Variants in SYNDIG1 observed in about 807,000 individuals in gnomAD.
SYNDIG1 encodes synapse differentiation inducing 1.
SYNDIG1 carries 9 observed loss-of-function variants against 19.4 expected under a neutral mutation model. The observed-to-expected ratio is 0.46, with a 90% confidence interval of 0.28 to 0.81. The LOEUF is 0.81. SYNDIG1 is among the 30% of genes least tolerant of loss of function. SYNDIG1 has a pLI of 0.12. For synonymous variants in SYNDIG1, 141 were observed against 145.9 expected, an observed-to-expected ratio of 0.97 and a Z score of 0.24; for missense variants, 311 against 343.3, an observed-to-expected ratio of 0.91 and a Z score of 0.74.
intron 3 of SYNDIG1, among the ~76,000 whole-genome samples, chr20:24,610,684 GCCCC>G (rs2058833389): frequency 6.6e-6 from 1 of 152,222 alleles, no homozygotes; most frequent in Admixed American, 6.5e-5. Flanking sequence ...AAAGGGAGTT[GCCCC>G]AAGTTGGCTG....
At chr20:24,590,750 A>G (rs1185854576) in intron 3 of SYNDIG1, among the ~76,000 whole-genome samples, 3 of 152,114 alleles carry the variant, frequency 2.0e-5, no homozygotes, top group Non-Finnish European at 4.4e-5. Context: ...GCACTGAACC[A>G]TGGGGGCTCC....
chr20:24,483,598 T>C (rs2055859352), intron 1 of SYNDIG1, among the ~76,000 whole-genome samples: 2 of 152,046 alleles, frequency 1.3e-5, no homozygotes, highest in South Asian at 4.2e-4. Context: ...CACCCAGGAG[T>C]CCCAGCCTGA....
chr20:24,489,283 G>C (rs933900535), intron 1 of SYNDIG1, among the ~76,000 whole-genome samples: 1 of 151,570 alleles, frequency 6.6e-6, no homozygotes, highest in African/African-American at 2.4e-5. Context: ...TGCTCACAGG[G>C]ACAGGCACAG....
chr20:24,487,855 A>G (rs1469770271), intron 1 of SYNDIG1, among the ~76,000 whole-genome samples: 1 of 152,108 alleles, frequency 6.6e-6, no homozygotes, highest in Non-Finnish European at 1.5e-5. Flanking sequence ...ACTGGCTTGG[A>G]GCACTACAAG....
Position 24,543,176 on chromosome 20 carries a change from A to G in SYNDIG1, c.79A>G (p.Asn27Asp). 6.2e-7 allele frequency: 1 copy of G among 1,614,124 alleles called. No individual in the cohort carries two copies. The highest frequency in any genetic ancestry group is 2.2e-5 in the East Asian group (1 of 44,874). ...TGCTGGCAAGAGGAATGGTTTAATT[A>G]ACACCAGAAACTTGATGGCCGAGAG... ...SDAGKRNGLI[N>D]TRNLMAESRD... Residue 27 changes from asparagine (N) to aspartate (D), a missense_variant, in exon 2 of 4, where the codon AAC becomes GAC. Transcript: ENST00000376862.
At chr20:24,544,471 T>A (rs2057535667) in intron 2 of SYNDIG1, among the ~76,000 whole-genome samples, 1 of 152,132 alleles carries the variant, frequency 6.6e-6, no homozygotes, top group Admixed American at 6.6e-5. Flanking sequence ...GGGGAAGGGA[T>A]GTCTGTTTTT....
intron 2 of SYNDIG1, among the ~76,000 whole-genome samples, chr20:24,575,761 T>G (rs1285558881): frequency 6.6e-6 from 1 of 152,248 alleles, no homozygotes; most frequent in African/African-American, 2.4e-5. Context: ...AGGAAAAATC[T>G]GTTTACTTCT....
chr20:24,626,023 T>A (rs141945177), intron 3 of SYNDIG1, among the ~76,000 whole-genome samples: 1 of 145,428 alleles, frequency 6.9e-6, no homozygotes, highest in Non-Finnish European at 1.5e-5. Flanking sequence ...CCGGACGGGG[T>A]GGCTGGCCAG....
intron 2 of SYNDIG1, among the ~76,000 whole-genome samples, chr20:24,582,043 C>T (rs2058333613): frequency 7.4e-6 from 1 of 135,976 alleles, no homozygotes; most frequent in Non-Finnish European, 1.6e-5. Context: ...CACATCCTCT[C>T]CGCTGCATGG....
chr20:24,515,485 CAA>C (rs1378162953), intron 1 of SYNDIG1, among the ~76,000 whole-genome samples: 1 of 152,046 alleles, frequency 6.6e-6, no homozygotes, highest in Non-Finnish European at 1.5e-5. Context: ...GCAACTTCAG[CAA>C]AGTCTCAGGA....
rs749721715 is a variant in SYNDIG1 at position 24,584,918 on chromosome 20, C to T, written c.543C>T (p.His181=). Residue 181 remains histidine, a synonymous_variant, in exon 3 of 4, where the codon CAC becomes CAT. Coordinates refer to ENST00000376862, the MANE Select transcript of SYNDIG1 (RefSeq NM_024893.3). The stretch of plus-strand genomic sequence containing the variant: ...TCCTCATGATGCCCCCGCGGGACCA[C>T]CTGGGCCTCAGTGTCTTCTCCATGC... ...DNFLMMPPRD[H]LGLSVFSMLC... is the part of the protein sequence containing the mutation. 1.2e-6 allele frequency: 2 copies of T among 1,614,014 alleles called. No homozygotes were observed. Among genetic ancestry groups the T allele is most frequent in the African/African-American group, 1.3e-5 (1 of 74,908 alleles).
rs568246450 is a variant in SYNDIG1 at position 24,657,390 on chromosome 20, C to T, written c.619-7956C>T. ...AGCCTCCCTGGGAGGAAGTCCCCTC[C>T]CTTGGATGTAGTGATTCAGACCAGC... is the stretch of plus-strand genomic sequence containing the variant. On this transcript the variant is annotated intron_variant, in intron 3 of 3. Coordinates refer to ENST00000376862, the MANE Select transcript of SYNDIG1 (RefSeq NM_024893.3). Among the ~76,000 whole-genome samples the T allele has an allele frequency of 2.6e-5, 4 of 152,244 alleles. No homozygotes were observed. The South Asian group carries it at 8.3e-4, about 32-fold the overall frequency.
At chr20:24,473,261 G>A (rs1852888975) in intron 1 of SYNDIG1, among the ~76,000 whole-genome samples, 1 of 152,158 alleles carries the variant, frequency 6.6e-6, no homozygotes, top group Non-Finnish European at 1.5e-5. Flanking sequence ...TCATTTTGGG[G>A]CAGTGCACTG....
intron 1 of SYNDIG1, among the ~76,000 whole-genome samples, chr20:24,541,538 A>G (rs913499549): frequency 6.6e-6 from 1 of 152,266 alleles, no homozygotes; most frequent in East Asian, 1.9e-4. Flanking sequence ...GTGGAGCATG[A>G]TTGGCCAGTG....
At chr20:24,550,328 T>G (rs1237562321) in intron 2 of SYNDIG1, among the ~76,000 whole-genome samples, 1 of 150,446 alleles carries the variant, frequency 6.6e-6, no homozygotes, top group East Asian at 2.0e-4. Context: ...CTGATTTCGT[T>G]TCCTTTGGAT....
chr20:24,494,091 C>G lies in SYNDIG1; in HGVS notation c.-79+24338C>G, dbSNP rs1041312726. Among the ~76,000 whole-genome samples, 3 of 152,148 alleles carry G rather than the reference C, an allele frequency of 2.0e-5. No individual in the cohort carries two copies. The East Asian group carries it at 5.8e-4, about 30-fold the overall frequency. On this transcript the variant is annotated intron_variant, in intron 1 of 3. Coordinates refer to ENST00000376862, the MANE Select transcript of SYNDIG1 (RefSeq NM_024893.3). ...TGGGGAGGGAGGATCTGGGAGAGAA[C>G]TGGGTTTGAACACAGCAGAGGCTTC...
chr20:24,482,471 G>A (rs1237907593), intron 1 of SYNDIG1, among the ~76,000 whole-genome samples: 3 of 152,202 alleles, frequency 2.0e-5, no homozygotes, highest in Non-Finnish European at 2.9e-5. Flanking sequence ...GCTCAGTAAA[G>A]GCACCTGAGG....
intron 3 of SYNDIG1, among the ~76,000 whole-genome samples, chr20:24,656,044 A>G (rs1233267454): frequency 6.6e-6 from 1 of 152,188 alleles, no homozygotes; most frequent in African/African-American, 2.4e-5. Flanking sequence ...GGCTGTTGTA[A>G]TTCAGCAAAG....
intron 3 of SYNDIG1, among the ~76,000 whole-genome samples, chr20:24,616,682 G>A (rs1201991741): frequency 1.3e-5 from 2 of 152,242 alleles, no homozygotes; most frequent in Non-Finnish European, 2.9e-5. Context: ...GAGGCAGCTG[G>A]ACAGGGCTGA....
Sources: allele counts gnomAD v4.1 joint callset (sites outside exome capture counted in the v4.1 genomes callset), GRCh38; gene constraint gnomAD v4.1.1; transcripts MANE v1.5; gene names NCBI Gene and HGNC (gene_info 2026-07-23, HGNC 2026-07-21).